The following PCDHGA4 variants were observed in gnomAD, a reference collection of about 807,000 sequenced individuals.
PCDHGA4 encodes the protein protocadherin gamma-A4.
In PCDHGA4, 38 loss-of-function variants were observed where a neutral mutation model predicts 54.6. The observed-to-expected ratio is 0.70, with a 90% CI of 0.54 to 0.91. The LOEUF (loss-of-function observed/expected upper bound fraction) is 0.91. Among genes scored for constraint, PCDHGA4 ranks in the 40% least tolerant of loss-of-function variants. PCDHGA4 has a pLI of 0.00. For missense variants in PCDHGA4, 1,298 were observed against 1,220.9 expected (o/e 1.06, Z -0.94); for synonymous variants, 511 against 512.9 (o/e 1.00, Z 0.05).
chr5:141,460,277 A>C (rs2154566827), intron 1 of PCDHGA4, among the ~76,000 whole-genome samples: 1 of 152,124 alleles, frequency 6.6e-6, no homozygotes, highest in African/African-American at 2.4e-5. Context: ...TTTCTTTTAT[A>C]GTTTGTATTT....
chr5:141,393,905 A>G, intron 1 of PCDHGA4: 1 of 1,614,030 alleles, frequency 6.2e-7, no homozygotes, highest in Non-Finnish European at 8.5e-7. Flanking sequence ...TTCCCGGGAC[A>G]GTAATTGCCT....
intron 1 of PCDHGA4, chr5:141,389,877 A>T: frequency 6.2e-7 from 1 of 1,614,088 alleles, no homozygotes; most frequent in South Asian, 1.1e-5. Context: ...CTTCGCCGAC[A>T]GCTTGCAGGA....
intron 1 of PCDHGA4, chr5:141,428,232 G>C (rs546567556): frequency 9.3e-7 from 1 of 1,071,494 alleles, no homozygotes; most frequent in African/African-American, 1.5e-5. Context: ...CAGACAGCCT[G>C]CAGGAGGCAC....
Position 141,432,057 on chromosome 5 carries a change from C to G in PCDHGA4, c.2515-62750C>G. On this transcript the variant is annotated intron_variant, in intron 1 of 3. Coordinates refer to ENST00000571252, the MANE Select transcript of PCDHGA4 (RefSeq NM_018917.4). This position sits in a 1 kb window ranked among gnomAD's most constrained non-coding sequence, Gnocchi z 6.0. The stretch of plus-strand genomic sequence containing the variant: ...ACTGACCGGGGAACCCCGCCCCTAT[C>G]CACGGAAACTCATATCTCGCTGAAC... 1 of 1,614,220 alleles carries G rather than the reference C, an allele frequency of 6.2e-7. No homozygotes were observed. The highest frequency in any genetic ancestry group is 8.5e-7 in the Non-Finnish European group (1 of 1,180,042).
Position 141,502,395 on chromosome 5 carries a change from G to A in PCDHGA4, c.2574-2998G>A, listed in dbSNP as rs115188718. The stretch of plus-strand genomic sequence containing the variant: ...GTCCAGGCCAGTTGTACTTTAAAAT[G>A]TCCCCGAACCTGGATTTGCTGGCTA... On this transcript the variant is annotated intron_variant, in intron 2 of 3. Transcript: ENST00000571252. Among the ~76,000 whole-genome samples, 610 of 151,894 alleles carry A rather than the reference G, an allele frequency of 4.0e-3. 3 individuals carry two copies. Among genetic ancestry groups the A allele is most frequent in the African/African-American group, 0.013 (553 of 41,410 alleles).
At position 141,355,116 on chromosome 5, in the gene PCDHGA4, T is replaced by C; in HGVS notation, c.9T>C (p.Phe3=). 6.6e-7 allele frequency: 1 copy of C among 1,511,608 alleles called. No homozygotes were observed. The highest frequency in any genetic ancestry group is 8.8e-7 in the Non-Finnish European group (1 of 1,132,660). 93.6% of individuals were successfully genotyped at this position (1,511,608 alleles called of 1,614,324 possible). The stretch of plus-strand genomic sequence containing the variant: ...GAGAGCTCTGGCTGTGAATGCACTT[T>C]ATTTTGGACCCAGAAGATCCTGGGG... MH[F]ILDPEDPGAP... is the part of the protein sequence containing the mutation. The change falls in exon 1 of 4, where the codon TTT becomes TTC. Residue 3 remains phenylalanine, a synonymous_variant. Transcript: ENST00000571252.
At chr5:141,371,039 G>A (rs1233349729) in intron 1 of PCDHGA4, 1 of 1,613,848 alleles carries the variant, frequency 6.2e-7, no homozygotes, top group Admixed American at 1.7e-5. Context: ...TCACAGCTGT[G>A]GATGGGGGCG....
intron 1 of PCDHGA4, chr5:141,409,009 G>A (rs1189849996): frequency 6.2e-7 from 1 of 1,613,994 alleles, no homozygotes. Context: ...CCACTGACCA[G>A]GATGAGGGGG....
At position 141,355,688 on chromosome 5, in the gene PCDHGA4, G is replaced by A; in HGVS notation, c.581G>A (p.Gly194Asp). 1 of 1,613,990 alleles carries A rather than the reference G, an allele frequency of 6.2e-7. No homozygotes were observed. Among genetic ancestry groups the A allele is most frequent in the Non-Finnish European group, 8.5e-7 (1 of 1,179,898 alleles). The stretch of plus-strand genomic sequence containing the variant: ...CCTGAAGCTTTTGATCCGGATGTAG[G>A]TGTAAACTCCCTGCAGGGTTACCAG... ...PLPEAFDPDV[G>D]VNSLQGYQLN... Residue 194 changes from glycine (G) to aspartate (D), a missense_variant, in exon 1 of 4, where the codon GGT (glycine) becomes GAT (aspartate). Physicochemically the swap from Gly to Asp is moderately conservative, Grantham distance 94 (BLOSUM62 -1). Transcript: ENST00000571252.
chr5:141,466,285 C>A (rs1271958613), intron 1 of PCDHGA4, among the ~76,000 whole-genome samples: 1 of 152,148 alleles, frequency 6.6e-6, no homozygotes, highest in African/African-American at 2.4e-5. Context: ...ATCTTCCCAC[C>A]TCAGGCTCCC....
intron 1 of PCDHGA4, among the ~76,000 whole-genome samples, chr5:141,469,600 T>C (rs1276702104): frequency 6.6e-6 from 1 of 151,974 alleles, no homozygotes; most frequent in Non-Finnish European, 1.5e-5. Flanking sequence ...TAAAACAAAA[T>C]AAGTAAAATA....
rs370603640 is a variant in PCDHGA4, at chr5:141,365,604, T to A, written c.2514+7983T>A. Reference sequence around the variant, plus strand: ...GATTATAATATCACTTTAACCGTCATGGACCATGGAACCCCGCCCCTCTCT... The same window carrying A: ...GATTATAATATCACTTTAACCGTCAAGGACCATGGAACCCCGCCCCTCTCT... On this transcript the variant is annotated intron_variant, in intron 1 of 3. Coordinates refer to ENST00000571252, the MANE Select transcript of PCDHGA4 (RefSeq NM_018917.4). 2.5e-6 allele frequency: 4 copies of A among 1,613,672 alleles called. No individual in the cohort carries two copies. The South Asian group carries it at 4.4e-5, about 18-fold the overall frequency.
chr5:141,387,144 G>C (rs2090840258), intron 1 of PCDHGA4, among the ~76,000 whole-genome samples: 1 of 152,168 alleles, frequency 6.6e-6, no homozygotes, highest in Admixed American at 6.5e-5. Context: ...ATTGGGAAGG[G>C]GGTGTATTTG....
In PCDHGA4 at chr5:141,360,167, T is replaced by G. The variant is rs937249062; in HGVS notation, c.2514+2546T>G. The stretch of plus-strand genomic sequence containing the variant: ...GCGAGCTCAGGGAGGTGCGGGCTGG[T>G]GCGGTGGCTGCAGGTACTGTTGCCC... On this transcript the variant is annotated intron_variant, in intron 1 of 3. Transcript: ENST00000571252. 3 of 1,607,514 alleles carry G rather than the reference T, an allele frequency of 1.9e-6. No homozygotes were observed. The African/African-American group carries it at 4.0e-5, about 22-fold the overall frequency.
chr5:141,383,036 G>A, intron 1 of PCDHGA4: 1 of 1,613,876 alleles, frequency 6.2e-7, no homozygotes, highest in Non-Finnish European at 8.5e-7. Flanking sequence ...TCCTTTGTGG[G>A]AGACATCGCC....
intron 1 of PCDHGA4, among the ~76,000 whole-genome samples, chr5:141,457,745 G>T (rs1039982528): frequency 6.6e-6 from 1 of 152,232 alleles, no homozygotes; most frequent in Non-Finnish European, 1.5e-5. Flanking sequence ...TTTTAAAGCT[G>T]AGCCCAGACA....
intron 1 of PCDHGA4, among the ~76,000 whole-genome samples, chr5:141,444,786 T>C (rs1252217349): frequency 6.6e-6 from 1 of 152,226 alleles, no homozygotes; most frequent in Non-Finnish European, 1.5e-5. Context: ...CATGTTTCAT[T>C]TGTCTATTCT....
chr5:141,394,018 A>T (rs2092900242), intron 1 of PCDHGA4: 1 of 1,613,496 alleles, frequency 6.2e-7, no homozygotes. Flanking sequence ...GGTAATTATT[A>T]TAGATTAGTG....
chr5:141,489,293 T>G lies in PCDHGA4; in HGVS notation c.2515-5514T>G. The G allele has an allele frequency of 6.3e-7, 1 of 1,579,940 alleles. No homozygotes were observed. Among genetic ancestry groups the G allele is most frequent in the Non-Finnish European group, 8.6e-7 (1 of 1,162,928 alleles). ...GCTGGGAAATGGCAAGTGCTGTGCA[T>G]GTTGTCCTTGTGCTGCTGGGGCTGG... On this transcript the variant is annotated intron_variant, in intron 1 of 3. Transcript: ENST00000571252. This position sits in a 1 kb window ranked among gnomAD's most constrained non-coding sequence, Gnocchi z 4.5.
Sources: allele counts gnomAD v4.1 joint callset (sites outside exome capture counted in the v4.1 genomes callset), GRCh38; gene constraint gnomAD v4.1.1; non-coding constraint Gnocchi (gnomAD v3.1); transcripts MANE v1.5; gene names NCBI Gene and HGNC (gene_info 2026-07-23, HGNC 2026-07-21).